The following HLCS variants were observed in gnomAD, a reference collection of about 807,000 sequenced individuals.
HLCS encodes holocarboxylase synthetase.
In HLCS, 53 loss-of-function variants were observed where a neutral mutation model predicts 75.0. The observed-to-expected ratio is 0.71, with a 90% CI of 0.57 to 0.89. The LOEUF (loss-of-function observed/expected upper bound fraction) is 0.89. Ranked by LOEUF, HLCS falls within the 40% of genes least tolerant of loss-of-function variation. HLCS has a pLI of 0.00. For synonymous variants in HLCS, 431 were observed against 428.6 expected, an observed-to-expected ratio of 1.01 and a Z score of -0.07; for missense variants, 966 against 1,074.0, an observed-to-expected ratio of 0.90 and a Z score of 1.41.
chr21:36,888,267 C>A (rs1456015968), intron 6 of HLCS, among the ~76,000 whole-genome samples: 1 of 151,402 alleles, frequency 6.6e-6, no homozygotes, highest in Non-Finnish European at 1.5e-5. Flanking sequence ...GTTAGCAGCA[C>A]AGACCCAGAA....
intron 6 of HLCS, among the ~76,000 whole-genome samples, chr21:36,790,228 A>G (rs1222742745): frequency 1.3e-5 from 2 of 152,134 alleles, no homozygotes; most frequent in Non-Finnish European, 2.9e-5. Flanking sequence ...ACATGGTGAA[A>G]CCCTGTCTCT....
intron 6 of HLCS, among the ~76,000 whole-genome samples, chr21:36,866,509 TA>T (rs1188848898): frequency 1.3e-5 from 2 of 152,218 alleles, no homozygotes; most frequent in African/African-American, 2.4e-5. Context: ...TGACTAGATA[TA>T]AGCTGTTGCG....
At chr21:36,908,455 T>A (rs920417327) in intron 5 of HLCS, among the ~76,000 whole-genome samples, 15 of 151,974 alleles carry the variant, frequency 9.9e-5, no homozygotes, top group African/African-American at 3.4e-4. Flanking sequence ...TAACTAGAAC[T>A]CTCATGCCCT....
chr21:36,767,161 A>C, intron 7 of HLCS, 57 bp downstream of exon 7: 1 of 1,538,438 alleles, frequency 6.5e-7, no homozygotes, highest in Non-Finnish European at 9.0e-7. Context: ...CTGGGCCACA[A>C]GAGTTGCAGA....
chr21:36,955,599 A>C (rs932009444), intron 2 of HLCS, among the ~76,000 whole-genome samples: 1 of 151,870 alleles, frequency 6.6e-6, no homozygotes, highest in Admixed American at 6.5e-5. Context: ...AGAATCAAAA[A>C]TTTTAAAAAA....
chr21:36,882,382 T>G (rs1569141271), intron 6 of HLCS, among the ~76,000 whole-genome samples: 2 of 152,046 alleles, frequency 1.3e-5, no homozygotes, highest in Non-Finnish European at 2.9e-5. Flanking sequence ...TCGCACAAGC[T>G]GCTGTGTCAA....
chr21:36,927,723 T>C (rs959678369), intron 5 of HLCS, among the ~76,000 whole-genome samples: 1 of 152,234 alleles, frequency 6.6e-6, no homozygotes, highest in African/African-American at 2.4e-5. Flanking sequence ...GAAACTGATA[T>C]AGACAGAAAA....
Position 36,966,427 on chromosome 21 carries a change from C to A in HLCS, c.195+17G>T. The A allele has an allele frequency of 5.0e-6, 1 of 201,890 alleles. No homozygotes were observed. Among genetic ancestry groups the A allele is most frequent in the Non-Finnish European group, 8.4e-6 (1 of 118,400 alleles). 12.5% of individuals were successfully genotyped at this position (201,890 alleles called of 1,614,324 possible). A position where few individuals can be genotyped will look rare whatever the true frequency, so the allele number is the denominator to read the frequency against. On this transcript the variant is annotated intron_variant, in intron 1 of 10. Transcript: ENST00000674895. Reference sequence around the variant, plus strand: ...GGCTCGCGGGGCCCGGGTCGCCCGCCCGCCCGACCCGCCCACCTGGCTGTC... The same window carrying A: ...GGCTCGCGGGGCCCGGGTCGCCCGCACGCCCGACCCGCCCACCTGGCTGTC...
chr21:36,758,334 C>T (rs1185244499), intron 9 of HLCS, among the ~76,000 whole-genome samples: 1 of 152,138 alleles, frequency 6.6e-6, no homozygotes, highest in African/African-American at 2.4e-5. Context: ...TCTCGATCTC[C>T]TGGACTCAAG....
intron 6 of HLCS, among the ~76,000 whole-genome samples, chr21:36,844,279 T>C (rs901006184): frequency 2.0e-5 from 3 of 151,898 alleles, no homozygotes; most frequent in South Asian, 4.2e-4. Flanking sequence ...AATTTATGAA[T>C]AGAAGCTCGT....
chr21:36,880,610 A>T (rs1414050315), intron 6 of HLCS, among the ~76,000 whole-genome samples: 1 of 152,188 alleles, frequency 6.6e-6, no homozygotes, highest in Non-Finnish European at 1.5e-5. Flanking sequence ...GGATGAAAAT[A>T]AAAACCAGGA....
intron 6 of HLCS, chr21:36,896,558 CGG>C: frequency 2.3e-6 from 1 of 425,794 alleles, no homozygotes; most frequent in East Asian, 4.8e-5. Flanking sequence ...ATAATGCCAC[CGG>C]TTAAACATCT....
At chr21:36,963,931 A>T (rs2068438107) in intron 1 of HLCS, among the ~76,000 whole-genome samples, 1 of 152,164 alleles carries the variant, frequency 6.6e-6, no homozygotes, top group Non-Finnish European at 1.5e-5. Flanking sequence ...TGTATAACAT[A>T]TGAGAACACG....
chr21:36,857,453 A>T (rs1036461053), intron 6 of HLCS, among the ~76,000 whole-genome samples: 1 of 152,234 alleles, frequency 6.6e-6, no homozygotes, highest in Non-Finnish European at 1.5e-5. Context: ...GAGGTTCACA[A>T]GAATTCATGC....
At chr21:36,935,292 C>G (rs748849890) in intron 4 of HLCS, among the ~76,000 whole-genome samples, 1 of 152,364 alleles carries the variant, frequency 6.6e-6, no homozygotes, top group African/African-American at 2.4e-5. Flanking sequence ...CCTGCTTGGG[C>G]TGTACGTGTT....
At chr21:36,965,393 G>A (rs1031824262) in intron 1 of HLCS, among the ~76,000 whole-genome samples, 2 of 152,216 alleles carry the variant, frequency 1.3e-5, no homozygotes. Flanking sequence ...GCACTGTGAA[G>A]CTAAGCCCAT....
intron 6 of HLCS, among the ~76,000 whole-genome samples, chr21:36,871,979 G>A (rs778914971): frequency 6.6e-6 from 1 of 152,112 alleles, no homozygotes; most frequent in Non-Finnish European, 1.5e-5. Flanking sequence ...GTAAAAGACT[G>A]ACCACACCAA....
At chr21:36,777,283 C>T (rs1568993782) in intron 6 of HLCS, among the ~76,000 whole-genome samples, 1 of 152,202 alleles carries the variant, frequency 6.6e-6, no homozygotes, top group Non-Finnish European at 1.5e-5. Flanking sequence ...TTGGCAACCA[C>T]CGGTATTTTT....
intron 6 of HLCS, among the ~76,000 whole-genome samples, chr21:36,777,233 T>C (rs1206996921): frequency 6.6e-6 from 1 of 152,214 alleles, no homozygotes; most frequent in Non-Finnish European, 1.5e-5. Flanking sequence ...CCCCTGTGCT[T>C]CACTTATTCA....
Sources: gnomAD v4.1 joint callset for allele counts (sites outside exome capture counted in the v4.1 genomes callset) on GRCh38, gnomAD v4.1.1 for gene constraint, MANE v1.5 for transcripts, NCBI Gene and HGNC (gene_info 2026-07-23, HGNC 2026-07-21) for gene names.